The following NKAIN3 variants were observed in gnomAD, a reference collection of about 807,000 sequenced individuals.
NKAIN3 encodes sodium/potassium-transporting ATPase subunit beta-1-interacting protein 3.
A neutral mutation model predicts 30.2 loss-of-function variants in NKAIN3; 25 were observed. The observed-to-expected ratio is 0.83, with a 90% CI of 0.60 to 1.16. NKAIN3 has a LOEUF of 1.16. Ranked by LOEUF, NKAIN3 falls within the 50% of genes most tolerant of loss-of-function variation. The pLI, the probability that NKAIN3 is intolerant of heterozygous loss-of-function variation, is 0.00. For synonymous variants in NKAIN3, 91 were observed against 89.6 expected, an observed-to-expected ratio of 1.02 and a Z score of -0.09; for missense variants, 225 against 254.1, an observed-to-expected ratio of 0.89 and a Z score of 0.78.
rs73684992 is a variant in NKAIN3, at chr8:62,418,639, A to G, written c.55-160900A>G. Among the ~76,000 whole-genome samples the G allele has an allele frequency of 5.5e-3, 830 of 152,194 alleles. 6 individuals carry two copies. Among genetic ancestry groups the G allele is most frequent in the African/African-American group, 0.019 (783 of 41,514 alleles). ...GGAATGATGCAAATCTTCATTTCAG[A>G]GTTGTCTAAAGTATTACATTTTTCA... On this transcript the variant is annotated intron_variant, in intron 1 of 6. Transcript: ENST00000623646.
At chr8:62,783,204 T>A (rs1360471000) in intron 4 of NKAIN3, among the ~76,000 whole-genome samples, 1 of 152,108 alleles carries the variant, frequency 6.6e-6, no homozygotes, top group Non-Finnish European at 1.5e-5. Flanking sequence ...ATCCCAAAGA[T>A]GATAGTATAA....
Position 62,724,850 on chromosome 8 carries a change from A to AT in NKAIN3, c.274-22081dup, listed in dbSNP as rs916311495. ...TGCTGCAATAAACATAGGAGTGCAG[A>AT]TATCTCTTTGATATACCGATGTCCT... On this transcript the variant is annotated intron_variant, in intron 3 of 6. Coordinates refer to ENST00000623646, the MANE Select transcript of NKAIN3 (RefSeq NM_001304533.3). 6.2e-4 allele frequency among the ~76,000 whole-genome samples: 94 copies of AT among 152,210 alleles called. 1 individual carries two copies. Among genetic ancestry groups the AT allele is most frequent in the African/African-American group, 2.0e-3 (82 of 41,558 alleles).
At chr8:62,645,335 T>C (rs1229938609) in intron 3 of NKAIN3, among the ~76,000 whole-genome samples, 5 of 152,176 alleles carry the variant, frequency 3.3e-5, no homozygotes, top group African/African-American at 1.2e-4. Context: ...TTTTGCAGTT[T>C]GTAAGTAGAG....
At chr8:62,843,949 A>T (rs915991496) in intron 4 of NKAIN3, among the ~76,000 whole-genome samples, 3 of 152,140 alleles carry the variant, frequency 2.0e-5, no homozygotes, top group African/African-American at 7.2e-5. Context: ...TGCAAGAAGT[A>T]AAAAGTTTGA....
intron 4 of NKAIN3, among the ~76,000 whole-genome samples, chr8:62,816,582 T>A (rs1428048657): frequency 6.6e-6 from 1 of 152,066 alleles, no homozygotes; most frequent in Non-Finnish European, 1.5e-5. Flanking sequence ...CTCCTTCTGC[T>A]CTGGGGGAAG....
chr8:62,399,062 G>A (rs903425376), intron 1 of NKAIN3, among the ~76,000 whole-genome samples: 6 of 152,088 alleles, frequency 3.9e-5, no homozygotes, highest in African/African-American at 1.2e-4. Flanking sequence ...TTGCACTCCC[G>A]CCTGGGTGAC....
Position 62,976,600 on chromosome 8 carries a change from G to A in NKAIN3, c.*11193G>A, listed in dbSNP as rs948910925. On this transcript the variant is annotated 3_prime_UTR_variant, in exon 7 of 7. Coordinates refer to ENST00000623646, the MANE Select transcript of NKAIN3 (RefSeq NM_001304533.3). ...TGTCTTTGCACATGAGATGGGTCTC[G>A]AATACAACACACCAATGGGTTTTGA... Among the ~76,000 whole-genome samples the A allele has an allele frequency of 2.6e-5, 4 of 151,864 alleles. No homozygotes were observed. Among genetic ancestry groups the A allele is most frequent in the African/African-American group, 4.8e-5 (2 of 41,358 alleles).
At chr8:62,625,575 C>T (rs776201639) in intron 3 of NKAIN3, among the ~76,000 whole-genome samples, 2 of 152,104 alleles carry the variant, frequency 1.3e-5, no homozygotes, top group Non-Finnish European at 2.9e-5. Flanking sequence ...GGTTTCTCAT[C>T]TGCTAATGGG....
At chr8:62,261,267 T>C (rs1276667958) in intron 1 of NKAIN3, among the ~76,000 whole-genome samples, 1 of 152,196 alleles carries the variant, frequency 6.6e-6, no homozygotes, top group Non-Finnish European at 1.5e-5. Flanking sequence ...GTTTTTATTT[T>C]CAAAAAATTA....
chr8:62,307,245 A>G (rs1428803785), intron 1 of NKAIN3, among the ~76,000 whole-genome samples: 1 of 145,170 alleles, frequency 6.9e-6, no homozygotes, highest in Non-Finnish European at 1.5e-5. Context: ...GTCCCCTTAT[A>G]GTTTAATTCA....
chr8:62,791,057 C>A (rs909739678), intron 4 of NKAIN3, among the ~76,000 whole-genome samples: 1 of 152,040 alleles, frequency 6.6e-6, no homozygotes, highest in Admixed American at 6.6e-5. Flanking sequence ...GCAGAAGCTT[C>A]AAGGTCTCTG....
At chr8:62,279,064 G>T (rs552036806) in intron 1 of NKAIN3, among the ~76,000 whole-genome samples, 83 of 152,184 alleles carry the variant, frequency 5.5e-4, no homozygotes, top group African/African-American at 1.8e-3. Flanking sequence ...TTTAATGATT[G>T]CCATTCTAAC....
downstream of NKAIN3, among the ~76,000 whole-genome samples, chr8:62,988,689 T>G (rs1420961542): frequency 1.3e-5 from 2 of 152,236 alleles, no homozygotes; most frequent in Non-Finnish European, 2.9e-5. Flanking sequence ...CTTCTAGGCC[T>G]CTGGGCCTGT....
chr8:62,923,332 A>C (rs1311749758), intron 5 of NKAIN3, among the ~76,000 whole-genome samples: 4 of 152,150 alleles, frequency 2.6e-5, no homozygotes, highest in African/African-American at 4.8e-5. Flanking sequence ...CTCAAAAAAA[A>C]AATAAGAAAA....
intron 1 of NKAIN3, among the ~76,000 whole-genome samples, chr8:62,444,210 C>T (rs1441808730): frequency 1.3e-5 from 2 of 151,830 alleles, no homozygotes; most frequent in Non-Finnish European, 2.9e-5. Flanking sequence ...TTGAGATATC[C>T]ATCACCTTAA....
chr8:62,814,169 G>A (rs1174583560), intron 4 of NKAIN3, among the ~76,000 whole-genome samples: 1 of 151,930 alleles, frequency 6.6e-6, no homozygotes, highest in Non-Finnish European at 1.5e-5. Context: ...TCCTATATCT[G>A]GATCTTCATA....
chr8:62,754,105 A>G (rs1189845469), intron 4 of NKAIN3, among the ~76,000 whole-genome samples: 2 of 152,100 alleles, frequency 1.3e-5, no homozygotes, highest in Admixed American at 6.6e-5. Flanking sequence ...TCATATTTGT[A>G]TATTTGATTT....
intron 5 of NKAIN3, among the ~76,000 whole-genome samples, chr8:62,937,588 AG>A (rs575557210): frequency 7.4e-4 from 113 of 152,154 alleles, no homozygotes; most frequent in African/African-American, 2.5e-3. Flanking sequence ...GACCTTGGGG[AG>A]GGCTGCCAGC....
At chr8:62,407,476 C>T (rs1804111094) in intron 1 of NKAIN3, among the ~76,000 whole-genome samples, 2 of 145,038 alleles carry the variant, frequency 1.4e-5, no homozygotes, top group South Asian at 4.6e-4. Flanking sequence ...CCGCTCACTG[C>T]AACCTCCGCC....
Sources: gnomAD v4.1 joint callset for allele counts (sites outside exome capture counted in the v4.1 genomes callset) on GRCh38, gnomAD v4.1.1 for gene constraint, MANE v1.5 for transcripts, NCBI Gene and HGNC (gene_info 2026-07-23, HGNC 2026-07-21) for gene names.